The following DPP10 variants were observed in gnomAD, a reference collection of about 807,000 sequenced individuals.
The protein encoded by DPP10 is dipeptidyl peptidase like 10.
Under a neutral mutation model 120.9 loss-of-function variants are expected in DPP10, and 33 were observed. That is an observed-to-expected ratio of 0.27 (90% CI 0.21 to 0.37). The LOEUF is 0.37. Ranked by LOEUF, DPP10 falls within the 10% of genes least tolerant of loss-of-function variation. DPP10 has a pLI of 1.00. For synonymous variants in DPP10, 337 were observed against 326.1 expected (o/e 1.03, Z -0.36); for missense variants, 816 against 942.8 (o/e 0.87, Z 1.76).
intron 1 of DPP10, among the ~76,000 whole-genome samples, chr2:114,534,468 G>C (rs553401564): frequency 1.3e-5 from 2 of 152,092 alleles, no homozygotes; most frequent in African/African-American, 2.4e-5. Context: ...TTTCAGATTC[G>C]CAAGAGGAGA....
At chr2:114,867,515 C>A (rs115025628) in intron 1 of DPP10, among the ~76,000 whole-genome samples, 472 of 152,224 alleles carry the variant, frequency 3.1e-3, no homozygotes, top group Admixed American at 5.6e-3. Flanking sequence ...TTCCTTATGT[C>A]TCTTTCCTTA....
chr2:115,691,657 A>G (rs946416868), intron 7 of DPP10, among the ~76,000 whole-genome samples: 8 of 152,000 alleles, frequency 5.3e-5, no homozygotes, highest in Non-Finnish European at 8.8e-5. Flanking sequence ...ACTCTTCTTG[A>G]CTTTTTAGCC....
intron 1 of DPP10, among the ~76,000 whole-genome samples, chr2:115,086,415 G>T (rs898484132): frequency 6.6e-6 from 1 of 151,266 alleles, no homozygotes; most frequent in Non-Finnish European, 1.5e-5. Context: ...CCTGCTTAGA[G>T]AGTTGTCCTG....
rs189990061 is a variant in DPP10 at position 114,975,355 on chromosome 2, A to C, written c.61-333884A>C. On this transcript the variant is annotated intron_variant, in intron 1 of 25. Transcript: ENST00000410059. ...CACCGTGCCTGGCTGAAGGATTTGC[A>C]ATCACATTATTTTGCAAACATTTTA... Among the ~76,000 whole-genome samples, 30 of 152,230 alleles carry C rather than the reference A, an allele frequency of 2.0e-4. No homozygotes were observed. The East Asian group carries it at 4.3e-3, about 22-fold the overall frequency.
chr2:115,648,287 G>A (rs1376679630), intron 5 of DPP10, among the ~76,000 whole-genome samples: 10 of 152,158 alleles, frequency 6.6e-5, no homozygotes, highest in South Asian at 2.1e-4. Flanking sequence ...GCATTGGTGC[G>A]ATGTTGGTCA....
rs112497781 is a variant in DPP10, at chr2:114,579,240, C to T, written c.60+136402C>T. ...TTGAGGGGCACTGACTTGACATATG[C>T]GCTGGGCTTTGAGTGGGAGCCCTTT... On this transcript the variant is annotated intron_variant, in intron 1 of 25. Transcript: ENST00000410059. Among the ~76,000 whole-genome samples, 1,390 of 152,304 alleles carry T rather than the reference C, an allele frequency of 9.1e-3. 25 individuals are homozygous for T. The highest frequency in any genetic ancestry group is 0.031 in the African/African-American group (1,300 of 41,568).
intron 2 of DPP10, among the ~76,000 whole-genome samples, chr2:115,312,143 T>A (rs1364250961): frequency 6.6e-6 from 1 of 152,166 alleles, no homozygotes; most frequent in Admixed American, 6.6e-5. Context: ...TTATTATTGG[T>A]AGGGACATTA....
chr2:115,764,963 T>G (rs765152813), intron 12 of DPP10, among the ~76,000 whole-genome samples: 14 of 152,092 alleles, frequency 9.2e-5, no homozygotes, highest in Non-Finnish European at 2.1e-4. Flanking sequence ...GGACTTGCAA[T>G]TGAGATGACC....
At chr2:114,592,802 ACTCTCATC>A (rs2105170133) in intron 1 of DPP10, among the ~76,000 whole-genome samples, 1 of 152,224 alleles carries the variant, frequency 6.6e-6, no homozygotes, top group African/African-American at 2.4e-5. Flanking sequence ...AAAAATATAT[ACTCTCATC>A]TACTACTTTT....
chr2:114,462,398 A>C (rs1347962622), intron 1 of DPP10, among the ~76,000 whole-genome samples: 6 of 152,066 alleles, frequency 3.9e-5, no homozygotes, highest in African/African-American at 1.4e-4. Flanking sequence ...TTTAGTCATT[A>C]TTTCTCCTTA....
intron 1 of DPP10, among the ~76,000 whole-genome samples, chr2:115,057,617 C>T (rs183936238): frequency 9.2e-5 from 14 of 152,230 alleles, no homozygotes; most frequent in African/African-American, 3.1e-4. Context: ...TCTTTTGCTT[C>T]GTTTTTTGTA....
At chr2:115,743,949 C>T (rs1677619642) in intron 9 of DPP10, among the ~76,000 whole-genome samples, 1 of 150,570 alleles carries the variant, frequency 6.6e-6, no homozygotes, top group African/African-American at 2.4e-5. Context: ...CAGTCAGTAG[C>T]TTAAGAAGCC....
intron 3 of DPP10, among the ~76,000 whole-genome samples, chr2:115,347,616 A>G (rs2106281804): frequency 6.6e-6 from 1 of 152,114 alleles, no homozygotes; most frequent in South Asian, 2.1e-4. Flanking sequence ...ATTTCCCCTA[A>G]TGCTATCCCT....
chr2:115,283,608 T>G (rs562476563), intron 1 of DPP10, among the ~76,000 whole-genome samples: 2 of 152,124 alleles, frequency 1.3e-5, no homozygotes, highest in African/African-American at 4.8e-5. Context: ...CTTAGTTCAG[T>G]TTTTAATTCA....
chr2:115,226,330 A>C (rs2057433122), intron 1 of DPP10, among the ~76,000 whole-genome samples: 1 of 152,164 alleles, frequency 6.6e-6, no homozygotes, highest in South Asian at 2.1e-4. Flanking sequence ...GAGTAAATGT[A>C]TTCCGAACTC....
At chr2:115,095,574 G>GTTTT (rs924847937) in intron 1 of DPP10, among the ~76,000 whole-genome samples, 14 of 137,710 alleles carry the variant, frequency 1.0e-4, no homozygotes, top group East Asian at 2.2e-4. Flanking sequence ...ATTCTGTTTG[G>GTTTT]TTTTTTTTTT....
chr2:115,626,677 T>C (rs969581298), intron 5 of DPP10, among the ~76,000 whole-genome samples: 36 of 152,284 alleles, frequency 2.4e-4, no homozygotes, highest in African/African-American at 8.2e-4. Context: ...AATGGGTATG[T>C]GTGGAAGAAT....
chr2:114,950,550 C>T (rs935342601), intron 1 of DPP10, among the ~76,000 whole-genome samples: 1 of 151,700 alleles, frequency 6.6e-6, no homozygotes, highest in Admixed American at 6.6e-5. Context: ...GTGATCTGCC[C>T]TCCTTGGTCT....
chr2:115,132,982 G>T (rs2104797440), intron 1 of DPP10, among the ~76,000 whole-genome samples: 1 of 151,522 alleles, frequency 6.6e-6, no homozygotes, highest in Non-Finnish European at 1.5e-5. Flanking sequence ...TCTTCTGAAG[G>T]AGAGTGTTGG....
Sources: allele counts gnomAD v4.1 joint callset (sites outside exome capture counted in the v4.1 genomes callset), GRCh38; gene constraint gnomAD v4.1.1; transcripts MANE v1.5; gene names NCBI Gene and HGNC (gene_info 2026-07-23, HGNC 2026-07-21).